The following SRGAP3 variants were observed in gnomAD, a reference collection of about 807,000 sequenced individuals.
The protein encoded by SRGAP3 is SLIT-ROBO Rho GTPase activating protein 3, also known as SLIT-ROBO Rho GTPase-activating protein 3.
SRGAP3 carries 39 observed loss-of-function variants against 121.1 expected under a neutral mutation model. The ratio of observed to expected loss-of-function variants is 0.32; its 90% CI spans 0.25 to 0.42. SRGAP3 has a LOEUF of 0.42. Ranked by LOEUF, SRGAP3 falls within the 10% of genes least tolerant of loss-of-function variation. The pLI, the probability that SRGAP3 is intolerant of heterozygous loss-of-function variation, is 1.00. For synonymous variants in SRGAP3, 601 were observed against 570.0 expected, an observed-to-expected ratio of 1.05 and a Z score of -0.77; for missense variants, 1,213 against 1,470.6, an observed-to-expected ratio of 0.82 and a Z score of 2.86.
chr3:9,237,413 C>T (rs929304982), intron 1 of SRGAP3, among the ~76,000 whole-genome samples: 6 of 152,138 alleles, frequency 3.9e-5, no homozygotes, highest in Admixed American at 2.6e-4. Flanking sequence ...AATCAAAGCT[C>T]TTATTGAGTT....
chr3:9,163,064 CTA>C (rs1442922222), intron 1 of SRGAP3, among the ~76,000 whole-genome samples: 2 of 152,190 alleles, frequency 1.3e-5, no homozygotes, highest in African/African-American at 4.8e-5. Flanking sequence ...ATTATGAAGA[CTA>C]TGTGGGCTGA....
At chr3:8,999,336 A>G (rs767477853) in intron 18 of SRGAP3, among the ~76,000 whole-genome samples, 39 of 152,250 alleles carry the variant, frequency 2.6e-4, no homozygotes, top group East Asian at 5.8e-4. Context: ...TGGGCTAGAC[A>G]TGGGCTTTTC....
At chr3:9,077,992 T>C (rs1947051125) in intron 4 of SRGAP3, among the ~76,000 whole-genome samples, 1 of 152,166 alleles carries the variant, frequency 6.6e-6, no homozygotes, top group Non-Finnish European at 1.5e-5. Flanking sequence ...TACTCCAACA[T>C]GTTGGGAGAC....
chr3:8,990,442 C>T, intron 21 of SRGAP3, 70 bp downstream of exon 21: 2 of 1,537,324 alleles, frequency 1.3e-6, no homozygotes, highest in Non-Finnish European at 1.8e-6. Flanking sequence ...TGGCTCCCCG[C>T]TCCACGGATT....
intron 9 of SRGAP3, among the ~76,000 whole-genome samples, chr3:9,050,722 G>A (rs1945526827): frequency 6.6e-6 from 1 of 152,166 alleles, no homozygotes; most frequent in Non-Finnish European, 1.5e-5. Flanking sequence ...TGCTTCTACT[G>A]CCAAAGTGAA....
At chr3:9,032,618 A>C (rs781553842) in intron 12 of SRGAP3, 32 bp downstream of exon 12, 25 of 1,598,136 alleles carry the variant, frequency 1.6e-5, no homozygotes, top group Non-Finnish European at 2.1e-5. Context: ...CATTGGGTGC[A>C]TTCGCGGACT....
chr3:9,170,587 C>G (rs1950942448), intron 1 of SRGAP3, among the ~76,000 whole-genome samples: 2 of 152,174 alleles, frequency 1.3e-5, no homozygotes, highest in African/African-American at 4.8e-5. Context: ...CACACAGTCC[C>G]TGAAGACTCA....
At chr3:9,308,199 G>A (rs960885607) in intron 3 of SRGAP3, among the ~76,000 whole-genome samples, 3 of 152,074 alleles carry the variant, frequency 2.0e-5, no homozygotes, top group African/African-American at 7.2e-5. Context: ...ATGTGTGCAC[G>A]TATGTTCACT....
rs1360802064 is a variant in SRGAP3, at chr3:9,064,384, G to GC, written c.672+11dup. On this transcript the variant is annotated intron_variant, in intron 5 of 21. Coordinates refer to ENST00000383836, the MANE Select transcript of SRGAP3 (RefSeq NM_014850.4). ...TGTCCCCAATCGCTCCCAGCCCAGGGCCCCCACTCACCTTCTCCTTCATCT... is the reference window on the plus strand; with the variant it reads ...TGTCCCCAATCGCTCCCAGCCCAGGGCCCCCCACTCACCTTCTCCTTCATCT... The GC allele has an allele frequency of 6.2e-7, 1 of 1,614,122 alleles. No individual in the cohort carries two copies.
intron 13 of SRGAP3, among the ~76,000 whole-genome samples, chr3:9,026,205 G>A (rs761720864): frequency 1.7e-4 from 26 of 152,166 alleles, no homozygotes; most frequent in South Asian, 6.2e-4. Context: ...TCTCCTCACC[G>A]CCTTAGCCAA....
At chr3:9,312,412 C>T (rs1955262877) in intron 3 of SRGAP3, among the ~76,000 whole-genome samples, 1 of 152,220 alleles carries the variant, frequency 6.6e-6, no homozygotes, top group Non-Finnish European at 1.5e-5. Context: ...CCGCCTCGGC[C>T]ACCCAAAGTG....
chr3:9,290,959 T>C (rs1326804090), intron 3 of SRGAP3, among the ~76,000 whole-genome samples: 12 of 152,174 alleles, frequency 7.9e-5, no homozygotes. Flanking sequence ...TGTGTGTGTG[T>C]ACGTGTGTTC....
At chr3:9,222,428 C>A (rs1040714137) in intron 1 of SRGAP3, among the ~76,000 whole-genome samples, 1 of 152,246 alleles carries the variant, frequency 6.6e-6, no homozygotes, top group Non-Finnish European at 1.5e-5. Flanking sequence ...CTGGATTCCA[C>A]AAGACACCCT....
chr3:9,288,801 C>G (rs1298130178), intron 3 of SRGAP3, among the ~76,000 whole-genome samples: 1 of 152,062 alleles, frequency 6.6e-6, no homozygotes, highest in South Asian at 2.1e-4. Context: ...GTCTTGAACT[C>G]CTGGGCTCAA....
intron 18 of SRGAP3, among the ~76,000 whole-genome samples, chr3:9,001,628 A>C (rs1213295638): frequency 6.6e-6 from 1 of 152,214 alleles, no homozygotes; most frequent in Non-Finnish European, 1.5e-5. Context: ...ATCCAATTAA[A>C]ATGCAGAGAT....
chr3:9,078,438 A>G (rs1038626484), intron 4 of SRGAP3, among the ~76,000 whole-genome samples: 1 of 152,114 alleles, frequency 6.6e-6, no homozygotes, highest in Non-Finnish European at 1.5e-5. Flanking sequence ...CCAGGCTTGC[A>G]TTATTTATCA....
At position 9,249,626 on chromosome 3, in the gene SRGAP3, C is replaced by T. The variant is rs928651893; in HGVS notation, c.-675G>A. 7.2e-5 allele frequency: 17 copies of T among 237,292 alleles called. No homozygotes were observed. In the Admixed American group the frequency reaches 8.6e-4, roughly 12 times the overall value. 14.7% of individuals were successfully genotyped at this position (237,292 alleles called of 1,614,324 possible). A position where few individuals can be genotyped will look rare whatever the true frequency, so the allele number is the denominator to read the frequency against. ...TTTTCCTGCTGCAACGCTTAAGCTC[C>T]GGTGAACACAAGGCTGGACTGCTCG... On this transcript the variant is annotated 5_prime_UTR_variant, in exon 1 of 22. Coordinates refer to ENST00000383836, the MANE Select transcript of SRGAP3 (RefSeq NM_014850.4).
intron 1 of SRGAP3, among the ~76,000 whole-genome samples, chr3:9,133,171 A>T (rs1256181363): frequency 1.3e-5 from 2 of 151,840 alleles, no homozygotes; most frequent in Non-Finnish European, 2.9e-5. Flanking sequence ...TCTGTACCTT[A>T]TCTTTTTCTT....
At chr3:9,000,560 C>T (rs1574878649) in intron 18 of SRGAP3, among the ~76,000 whole-genome samples, 2 of 152,264 alleles carry the variant, frequency 1.3e-5, no homozygotes, top group Middle Eastern at 3.4e-3. Flanking sequence ...AAGTTCAAGT[C>T]GAAGGGGACT....
Sources: allele counts gnomAD v4.1 joint callset (sites outside exome capture counted in the v4.1 genomes callset), GRCh38; gene constraint gnomAD v4.1.1; transcripts MANE v1.5; gene names NCBI Gene and HGNC (gene_info 2026-07-23, HGNC 2026-07-21).